The following LARP7 variants were observed in gnomAD, a reference collection of about 807,000 sequenced individuals.
The protein encoded by LARP7 is la-related protein 7.
Under a neutral mutation model 69.3 loss-of-function variants are expected in LARP7, and 52 were observed. The observed-to-expected ratio is 0.75, with a 90% CI of 0.60 to 0.95. LARP7 has a LOEUF of 0.95. LARP7 is among the 40% of genes least tolerant of loss of function. The pLI is 0.00. For synonymous variants in LARP7, 254 were observed against 215.9 expected (o/e 1.18, Z -1.55); for missense variants, 733 against 673.0 (o/e 1.09, Z -0.99).
At chr4:112,654,929 T>A (rs531132279) in intron 12 of LARP7, among the ~76,000 whole-genome samples, 1 of 152,210 alleles carries the variant, frequency 6.6e-6, no homozygotes, top group South Asian at 2.1e-4. Flanking sequence ...ATGAACTTCC[T>A]TTTTTGTTAG....
At position 112,654,074 on chromosome 4, in the gene LARP7, A is replaced by G. The variant is rs2048863580; in HGVS notation, c.1583A>G (p.His528Arg). The change falls in exon 12 of 13, where the codon CAC (histidine) becomes CGC (arginine). Residue 528 changes from histidine (H) to arginine (R), a missense_variant. His to Arg is a conservative substitution (Grantham distance 29, BLOSUM62 0). Coordinates refer to ENST00000344442, the MANE Select transcript of LARP7 (RefSeq NM_016648.4). ...CWKLEILSGD[H>R]EQRYWQKILV... ...GTCTTTGTTTGTTTTTAAGGTGATC[A>G]CGAACAAAGGTATTGGCAGAAGATT... 1.2e-6 allele frequency: 2 copies of G among 1,612,944 alleles called. No individual in the cohort carries two copies. The highest frequency in any genetic ancestry group is 1.7e-6 in the Non-Finnish European group (2 of 1,179,018).
intron 1 of LARP7, among the ~76,000 whole-genome samples, chr4:112,638,821 G>T (rs6846126): frequency 0.39 from 59,809 of 151,970 alleles, 12,005 homozygotes; most frequent in South Asian, 0.49. Context: ...AATCTTTACC[G>T]TGTATTCATT....
chr4:112,651,545 C>A (rs1362759453), intron 10 of LARP7, among the ~76,000 whole-genome samples: 1 of 152,134 alleles, frequency 6.6e-6, no homozygotes, highest in Non-Finnish European at 1.5e-5. Context: ...AGAGTTATTT[C>A]TAATCAACTC....
intron 2 of LARP7, among the ~76,000 whole-genome samples, chr4:112,645,262 T>C (rs1031897354): frequency 2.0e-5 from 3 of 152,086 alleles, no homozygotes; most frequent in Non-Finnish European, 2.9e-5. Flanking sequence ...GTATATTCTA[T>C]AATGTGTATA....
intron 1 of LARP7, among the ~76,000 whole-genome samples, chr4:112,643,146 C>T (rs925777495): frequency 1.3e-5 from 2 of 152,156 alleles, no homozygotes; most frequent in Non-Finnish European, 1.5e-5. Flanking sequence ...ATTGATCTTA[C>T]CATCTAGGAA....
At chr4:112,655,733 G>A (rs1240549756) in intron 12 of LARP7, among the ~76,000 whole-genome samples, 2 of 152,184 alleles carry the variant, frequency 1.3e-5, no homozygotes, top group African/African-American at 4.8e-5. Context: ...GAAAAATAAA[G>A]TGTATTGCAG....
rs1085307744 is a variant in LARP7, at chr4:112,646,445, T to TG, written c.298dup (p.Val100GlyfsTer4). ...CCAGAGCATTGAGAAGTTCAGCTGT[T>TG]GTAGAGGTAAGAATCAAGAATAACT... On this transcript the variant is annotated frameshift_variant, in exon 3 of 13. Coordinates refer to ENST00000344442, the MANE Select transcript of LARP7 (RefSeq NM_016648.4). LOFTEE classifies it high-confidence loss of function. 1 of 1,580,054 alleles carries TG rather than the reference T, an allele frequency of 6.3e-7. No individual in the cohort carries two copies. Among genetic ancestry groups the TG allele is most frequent in the South Asian group, 1.1e-5 (1 of 88,980 alleles).
At chr4:112,652,167 C>T (rs534314714) in intron 10 of LARP7, among the ~76,000 whole-genome samples, 8 of 151,602 alleles carry the variant, frequency 5.3e-5, no homozygotes, top group Non-Finnish European at 1.2e-4. Flanking sequence ...TGAAATAATA[C>T]TTCCAGGTAT....
intron 10 of LARP7, among the ~76,000 whole-genome samples, chr4:112,651,929 A>G (rs1436897230): frequency 6.6e-6 from 1 of 151,998 alleles, no homozygotes; most frequent in Non-Finnish European, 1.5e-5. Context: ...TACTTGCTTT[A>G]TATCTAAATT....
rs1316747223 is a variant in LARP7, at chr4:112,647,273, A to G, written c.721A>G (p.Met241Val). ...CAATATCCAAGCCAAAGAAGAAAAC[A>G]TGGACACAAGCAACACCAGCATCAG... ...EDNIQAKEENMDTSNTSISKM... is the reference protein window; with the variant it reads ...EDNIQAKEENVDTSNTSISKM... Residue 241 changes from methionine to valine, a missense_variant, in exon 7 of 13, where the codon ATG (methionine) becomes GTG (valine). Physicochemically the swap from Met to Val is conservative, Grantham distance 21. Transcript: ENST00000344442. 3 of 1,613,432 alleles carry G rather than the reference A, an allele frequency of 1.9e-6. No individual in the cohort carries two copies. Among genetic ancestry groups the G allele is most frequent in the Admixed American group, 1.7e-5 (1 of 59,878 alleles).
chr4:112,640,360 T>G (rs1008313157), intron 1 of LARP7, among the ~76,000 whole-genome samples: 2 of 152,246 alleles, frequency 1.3e-5, no homozygotes, highest in African/African-American at 4.8e-5. Context: ...AAGTTAAAGT[T>G]CCTGCCTTCA....
chr4:112,645,445 T>C (rs1189213295), intron 2 of LARP7: 4 of 452,242 alleles, frequency 8.8e-6, no homozygotes, highest in African/African-American at 2.0e-5. Flanking sequence ...TCATCATGTG[T>C]AACTCGAGAG....
chr4:112,647,978 C>T (rs758844548), intron 8 of LARP7, 144 bp downstream of exon 8: 4 of 752,332 alleles, frequency 5.3e-6, no homozygotes, highest in African/African-American at 3.4e-5. Flanking sequence ...TGGGCGTTAA[C>T]GCAATTGCTG....
At chr4:112,649,851 CTTGATA>C (rs1410242658) in intron 9 of LARP7, 165 bp downstream of exon 9, 1 of 440,650 alleles carries the variant, frequency 2.3e-6, no homozygotes, top group Non-Finnish European at 4.0e-6. Flanking sequence ...GTTACTTACT[CTTGATA>C]TAAGAATATT....
At position 112,647,180 on chromosome 4, in the gene LARP7, A is replaced by G. The variant is rs1451328156; in HGVS notation, c.647-19A>G. Reference sequence around the variant, plus strand: ...TGTAGTTGAAGTAAGATGAACTAATAATGATGGCACTTTTACAGAAGAGAA... The same window carrying G: ...TGTAGTTGAAGTAAGATGAACTAATGATGATGGCACTTTTACAGAAGAGAA... On this transcript the variant is annotated intron_variant, in intron 6 of 12. Transcript: ENST00000344442. 1 of 1,592,114 alleles carries G rather than the reference A, an allele frequency of 6.3e-7. No homozygotes were observed. The highest frequency in any genetic ancestry group is 1.4e-5 in the African/African-American group (1 of 73,086).
chr4:112,654,231 A>T, intron 12 of LARP7, 72 bp downstream of exon 12: 2 of 1,038,634 alleles, frequency 1.9e-6, no homozygotes, highest in Non-Finnish European at 3.0e-6. Context: ...AGTACTAGGT[A>T]GTCATAAAAT....
chr4:112,650,694 CT>C, intron 10 of LARP7, 112 bp downstream of exon 10: 3 of 1,116,360 alleles, frequency 2.7e-6, no homozygotes, highest in Non-Finnish European at 3.8e-6. Context: ...ATTTGTTTCC[CT>C]ATGGTAAACT....
chr4:112,649,452 T>G, intron 8 of LARP7, 83 bp from the exon 9 acceptor site: 4 of 1,160,242 alleles, frequency 3.4e-6, no homozygotes, highest in Non-Finnish European at 4.8e-6. Context: ...TTGCTCCAAG[T>G]CATTGTGAAT....
At chr4:112,640,044 T>G (rs1263355787) in intron 1 of LARP7, among the ~76,000 whole-genome samples, 3 of 152,128 alleles carry the variant, frequency 2.0e-5, no homozygotes, top group Admixed American at 6.5e-5. Flanking sequence ...GTTCAAGCGA[T>G]TCTCCTGCCT....
Sources: gnomAD v4.1 joint callset for allele counts (sites outside exome capture counted in the v4.1 genomes callset) on GRCh38, gnomAD v4.1.1 for gene constraint, MANE v1.5 for transcripts, NCBI Gene and HGNC (gene_info 2026-07-23, HGNC 2026-07-21) for gene names.